The following SPAG16 variants were observed in gnomAD, a reference collection of about 807,000 sequenced individuals.
SPAG16 encodes the protein sperm associated antigen 16.
Under a neutral mutation model 80.4 loss-of-function variants are expected in SPAG16, and 86 were observed. The ratio of observed to expected loss-of-function variants is 1.07; its 90% CI spans 0.90 to 1.28. The LOEUF (loss-of-function observed/expected upper bound fraction) is 1.28. Ranked by LOEUF, SPAG16 falls within the 50% of genes most tolerant of loss-of-function variation. SPAG16 has a pLI of 0.00. For synonymous variants in SPAG16, 294 were observed against 265.9 expected, an observed-to-expected ratio of 1.11 and a Z score of -1.03; for missense variants, 870 against 765.3, an observed-to-expected ratio of 1.14 and a Z score of -1.61.
At chr2:213,431,077 A>C (rs1459015376) in intron 9 of SPAG16, among the ~76,000 whole-genome samples, 1 of 152,196 alleles carries the variant, frequency 6.6e-6, no homozygotes, top group Non-Finnish European at 1.5e-5. Flanking sequence ...AGTTCTAAAC[A>C]TGGGAAAGAA....
chr2:213,479,503 G>T (rs759328610), intron 9 of SPAG16, among the ~76,000 whole-genome samples: 2 of 151,770 alleles, frequency 1.3e-5, no homozygotes, highest in African/African-American at 4.8e-5. Flanking sequence ...TCAGGCAATT[G>T]GAATAATGCT....
rs190961870 is a variant in SPAG16 at position 214,197,743 on chromosome 2, G to A, written c.1720+48477G>A. Among the ~76,000 whole-genome samples the A allele has an allele frequency of 6.6e-5, 10 of 151,998 alleles. No individual in the cohort carries two copies. The East Asian group carries it at 1.9e-3, about 29-fold the overall frequency. ...TTTGGTACTTTTCATTGTAATGTAT[G>A]TGATAGCTATGTGTGGTAACATCAG... is the stretch of plus-strand genomic sequence containing the variant. On this transcript the variant is annotated intron_variant, in intron 15 of 15. Coordinates refer to ENST00000331683, the MANE Select transcript of SPAG16 (RefSeq NM_024532.5).
chr2:213,826,548 T>C (rs568860128), intron 10 of SPAG16, among the ~76,000 whole-genome samples: 2 of 152,156 alleles, frequency 1.3e-5, no homozygotes, highest in South Asian at 4.1e-4. Context: ...TTTGTATAGT[T>C]TCCAATATTC....
intron 10 of SPAG16, among the ~76,000 whole-genome samples, chr2:213,591,313 C>T (rs1285024786): frequency 6.6e-6 from 1 of 152,130 alleles, no homozygotes; most frequent in African/African-American, 2.4e-5. Context: ...TAGTCATTCA[C>T]ACTTCTAGAA....
chr2:213,907,941 T>C (rs1218535128), intron 11 of SPAG16, among the ~76,000 whole-genome samples: 3 of 152,178 alleles, frequency 2.0e-5, no homozygotes, highest in African/African-American at 7.2e-5. Context: ...TTGTGCTCCA[T>C]AGCACTGCAG....
chr2:213,804,274 T>C (rs2071602672), intron 10 of SPAG16, among the ~76,000 whole-genome samples: 1 of 152,102 alleles, frequency 6.6e-6, no homozygotes. Context: ...CACAAACCCA[T>C]GCCTTAGGTG....
intron 10 of SPAG16, among the ~76,000 whole-genome samples, chr2:213,643,081 A>C (rs370982260): frequency 7.4e-6 from 1 of 135,366 alleles, no homozygotes. Context: ...ATATATATAT[A>C]TCCATTAGTT....
At chr2:213,367,130 T>C (rs1362301075) in intron 8 of SPAG16, among the ~76,000 whole-genome samples, 1 of 152,216 alleles carries the variant, frequency 6.6e-6, no homozygotes, top group Admixed American at 6.5e-5. Context: ...TCCTTTTTTA[T>C]GGTTGCATAG....
chr2:213,804,022 C>A lies in SPAG16; in HGVS notation c.1071-58463C>A, dbSNP rs111584458. ...TCCCTGGGCTTTTCCTCTTTCCAGC[C>A]TCTCCAACTCTTAATTTTTAGTTTC... On this transcript the variant is annotated intron_variant, in intron 10 of 15. Coordinates refer to ENST00000331683, the MANE Select transcript of SPAG16 (RefSeq NM_024532.5). Among the ~76,000 whole-genome samples the A allele has an allele frequency of 6.4e-4, 97 of 152,312 alleles. 3 individuals carry two copies. Among genetic ancestry groups the A allele is most frequent in the African/African-American group, 2.2e-3 (91 of 41,568 alleles).
At chr2:213,675,903 T>C (rs554028319) in intron 10 of SPAG16, among the ~76,000 whole-genome samples, 1 of 152,092 alleles carries the variant, frequency 6.6e-6, no homozygotes, top group Admixed American at 6.5e-5. Context: ...TTTAAAGTAG[T>C]TTTTTCCAAT....
rs2060145207 is a variant in SPAG16, at chr2:213,576,859, A to C, written c.1070+86769A>C. Among the ~76,000 whole-genome samples, 3 of 152,234 alleles carry C rather than the reference A, an allele frequency of 2.0e-5. No homozygotes were observed. The South Asian group carries it at 6.2e-4, about 32-fold the overall frequency. ...CTTTTGGAGGGTGGAGGGTGGGAGG[A>C]AGGAGAGGATCAGGAGAAATAACAA... On this transcript the variant is annotated intron_variant, in intron 10 of 15. Transcript: ENST00000331683.
chr2:213,695,709 A>G (rs1559383444), intron 10 of SPAG16, among the ~76,000 whole-genome samples: 1 of 152,232 alleles, frequency 6.6e-6, no homozygotes. Context: ...GTAGAGGAGA[A>G]GCATGTGAAT....
chr2:213,606,010 A>C (rs570345804), intron 10 of SPAG16, among the ~76,000 whole-genome samples: 53 of 152,310 alleles, frequency 3.5e-4, no homozygotes, highest in African/African-American at 1.1e-3. Context: ...ACTTCAATGA[A>C]CATTGGTTAA....
intron 10 of SPAG16, among the ~76,000 whole-genome samples, chr2:213,736,549 A>G (rs1207174582): frequency 6.6e-6 from 1 of 152,022 alleles, no homozygotes; most frequent in Non-Finnish European, 1.5e-5. Context: ...CGGCCTCCCA[A>G]AGTGTTTGGA....
At chr2:213,691,606 C>A (rs2064946528) in intron 10 of SPAG16, among the ~76,000 whole-genome samples, 1 of 152,068 alleles carries the variant, frequency 6.6e-6, no homozygotes, top group Non-Finnish European at 1.5e-5. Context: ...TTGTTTGAAG[C>A]CACTAAGCTT....
At chr2:214,042,310 G>A (rs940211691) in intron 13 of SPAG16, among the ~76,000 whole-genome samples, 9 of 151,552 alleles carry the variant, frequency 5.9e-5, no homozygotes, top group East Asian at 1.9e-4. Flanking sequence ...AACTTGACCC[G>A]GATATATATT....
At chr2:213,613,052 C>A (rs570347799) in intron 10 of SPAG16, among the ~76,000 whole-genome samples, 3 of 152,202 alleles carry the variant, frequency 2.0e-5, no homozygotes, top group Admixed American at 6.5e-5. Flanking sequence ...TTTAGGGAAA[C>A]CTATTGGGTT....
At chr2:214,123,058 G>A (rs890247256) in intron 14 of SPAG16, among the ~76,000 whole-genome samples, 1 of 151,510 alleles carries the variant, frequency 6.6e-6, no homozygotes, top group African/African-American at 2.4e-5. Flanking sequence ...ATAATTTCTA[G>A]TAAAAAGTGA....
chr2:213,962,469 G>A (rs960071480), intron 12 of SPAG16, among the ~76,000 whole-genome samples: 2 of 152,128 alleles, frequency 1.3e-5, no homozygotes, highest in African/African-American at 4.8e-5. Context: ...ACAGGCATGA[G>A]CCACCGCGCC....
Sources: allele counts gnomAD v4.1 joint callset (sites outside exome capture counted in the v4.1 genomes callset), GRCh38; gene constraint gnomAD v4.1.1; transcripts MANE v1.5; gene names NCBI Gene and HGNC (gene_info 2026-07-23, HGNC 2026-07-21).